The following ADGRG3 variants were observed in gnomAD, a reference collection of about 807,000 sequenced individuals.
The protein encoded by ADGRG3 is G protein-coupled receptor 97.
ADGRG3 carries 39 observed loss-of-function variants against 54.3 expected under a neutral mutation model. That is an observed-to-expected ratio of 0.72 (90% confidence interval 0.56 to 0.94). The LOEUF is 0.94. Among genes scored for constraint, ADGRG3 ranks in the 40% least tolerant of loss-of-function variants. ADGRG3 has a pLI of 0.00. For missense variants in ADGRG3, 654 were observed against 694.6 expected (o/e 0.94, Z 0.66); for synonymous variants, 312 against 290.0 (o/e 1.08, Z -0.77).
upstream of ADGRG3, chr16:57,668,209 C>T (rs551097057): frequency 2.8e-5 from 19 of 674,756 alleles, no homozygotes; most frequent in South Asian, 1.6e-4. Context: ...ATGGCGCCAT[C>T]GAGCAGGAAG....
intron 8 of ADGRG3, among the ~76,000 whole-genome samples, 155 bp from the exon 9 acceptor site, chr16:57,683,776 CT>C (rs1194377800): frequency 6.6e-6 from 1 of 152,202 alleles, no homozygotes; most frequent in African/African-American, 2.4e-5. Context: ...GACACTCCCA[CT>C]CTGGCTGCCG....
chr16:57,681,397 A>G (rs1478855582), intron 8 of ADGRG3, among the ~76,000 whole-genome samples: 1 of 151,730 alleles, frequency 6.6e-6, no homozygotes, highest in African/African-American at 2.4e-5. Context: ...TGCGCGCAGG[A>G]CATATCATTT....
intron 11 of ADGRG3, 60 bp from the exon 12 acceptor site, chr16:57,688,292 G>C (rs546272039): frequency 9.2e-7 from 1 of 1,084,504 alleles, no homozygotes; most frequent in African/African-American, 1.6e-5. Flanking sequence ...CACCAGCCCA[G>C]GCTGCCCCAC....
At chr16:57,675,813 G>A (rs2048252072) in intron 2 of ADGRG3, among the ~76,000 whole-genome samples, 1 of 152,158 alleles carries the variant, frequency 6.6e-6, no homozygotes, top group African/African-American at 2.4e-5. Flanking sequence ...GCTGGGGGAA[G>A]GGGGAAGGGA....
chr16:57,677,254 C>A lies in ADGRG3; in HGVS notation c.345+916C>A, dbSNP rs545604387. ...AGGCCCTGGGTGGGTCAGGCTGTAG[C>A]CCTTAGGGGAACAGGGAGCTCAGAG... On this transcript the variant is annotated intron_variant, in intron 3 of 11. Coordinates refer to ENST00000333493, the MANE Select transcript of ADGRG3 (RefSeq NM_170776.5). 7.9e-5 allele frequency among the ~76,000 whole-genome samples: 12 copies of A among 152,276 alleles called. 1 individual carries two copies. The South Asian group carries it at 2.5e-3, about 32-fold the overall frequency.
chr16:57,668,377 G>GCTCCTGCTC lies in ADGRG3; in HGVS notation c.41_49dup (p.Leu14_Leu16dup). On this transcript the variant is annotated inframe_insertion, in exon 1 of 12. Coordinates refer to ENST00000333493, the MANE Select transcript of ADGRG3 (RefSeq NM_170776.5). ...CGACGCCCAGGGGCCTGGGGGCCCT[G>GCTCCTGCTC]CTCCTGCTCCTCCTGCTCCCGACCT... is the stretch of plus-strand genomic sequence containing the variant. 3 of 1,575,602 alleles carry GCTCCTGCTC rather than the reference G, an allele frequency of 1.9e-6. No homozygotes were observed. The highest frequency in any genetic ancestry group is 8.6e-7 in the Non-Finnish European group (1 of 1,168,098).
chr16:57,678,196 GGA>G lies in ADGRG3; in HGVS notation c.373_374del (p.Asp125GlnfsTer4), dbSNP rs1416576927. The G allele has an allele frequency of 1.9e-6, 3 of 1,614,072 alleles. No individual in the cohort carries two copies. In the African/African-American group the frequency reaches 4.0e-5, roughly 22 times the overall value. On this transcript the variant is annotated frameshift_variant, in exon 4 of 12. Coordinates refer to ENST00000333493, the MANE Select transcript of ADGRG3 (RefSeq NM_170776.5). LOFTEE classifies it high-confidence loss of function. ...TTCCGAGGCAGGTGATGAAGGACGA[GGA>G]CAAGCCCCCTGACAGAGTGCGACTT... ...QVPRQVMKDE[D>X]KPPDRVRLPK...
intron 3 of ADGRG3, 23 bp downstream of exon 3, chr16:57,676,361 T>C: frequency 6.2e-7 from 1 of 1,610,294 alleles, no homozygotes; most frequent in African/African-American, 1.3e-5. Context: ...CCAGCCCTCT[T>C]GGCTGGTTCG....
chr16:57,674,868 C>T (rs1010849774), intron 2 of ADGRG3, among the ~76,000 whole-genome samples: 10 of 150,068 alleles, frequency 6.7e-5, no homozygotes, highest in Non-Finnish European at 8.9e-5. Flanking sequence ...TGGTGACAGG[C>T]GCCTGTAATC....
intron 1 of ADGRG3, among the ~76,000 whole-genome samples, chr16:57,670,523 C>T (rs1188240329): frequency 6.6e-6 from 1 of 152,010 alleles, no homozygotes; most frequent in African/African-American, 2.4e-5. Flanking sequence ...AACCCCTCCT[C>T]CCCTCTCCTC....
chr16:57,684,892 C>T lies in ADGRG3; in HGVS notation c.1256+409C>T, dbSNP rs536540545. Reference sequence around the variant, plus strand: ...CAGCCAGGTGTCCTTGTTCAGGCCACCACCTGCCCAGTGATTCACAGTAGC... The same window carrying T: ...CAGCCAGGTGTCCTTGTTCAGGCCATCACCTGCCCAGTGATTCACAGTAGC... On this transcript the variant is annotated intron_variant, in intron 10 of 11. Coordinates refer to ENST00000333493, the MANE Select transcript of ADGRG3 (RefSeq NM_170776.5). Among the ~76,000 whole-genome samples the T allele has an allele frequency of 1.1e-3, 169 of 152,314 alleles. 1 individual carries two copies. The highest frequency in any genetic ancestry group is 3.7e-3 in the African/African-American group (155 of 41,574).
intron 5 of ADGRG3, 86 bp from the exon 6 acceptor site, chr16:57,679,730 C>A: frequency 2.9e-6 from 3 of 1,039,478 alleles, no homozygotes; most frequent in South Asian, 1.3e-5. Flanking sequence ...CACTAGGACT[C>A]GGGGGAGCAC....
chr16:57,672,306 G>A (rs1473466215), intron 1 of ADGRG3, among the ~76,000 whole-genome samples: 3 of 152,130 alleles, frequency 2.0e-5, no homozygotes, highest in Admixed American at 2.0e-4. Context: ...CAGGAGGATC[G>A]CTTGAGGACA....
At chr16:57,666,531 T>C (rs1463393433), upstream of ADGRG3, among the ~76,000 whole-genome samples, 1 of 152,216 alleles carries the variant, frequency 6.6e-6, no homozygotes, top group Non-Finnish European at 1.5e-5. Context: ...AGCTGAGGGC[T>C]GAATGCTGGC....
chr16:57,672,398 C>G (rs1415302875), intron 1 of ADGRG3, among the ~76,000 whole-genome samples: 1 of 152,112 alleles, frequency 6.6e-6, no homozygotes, highest in East Asian at 1.9e-4. Context: ...AAATGATGTA[C>G]TTATAAATAC....
chr16:57,683,835 G>A, intron 8 of ADGRG3, 97 bp from the exon 9 acceptor site: 1 of 922,396 alleles, frequency 1.1e-6, no homozygotes, highest in Non-Finnish European at 1.6e-6. Flanking sequence ...AGTGGGGGTG[G>A]AGAGCCATAG....
chr16:57,667,728 G>A (rs184243572), upstream of ADGRG3, among the ~76,000 whole-genome samples: 3 of 152,326 alleles, frequency 2.0e-5, no homozygotes, highest in East Asian at 5.8e-4. Context: ...CCAGGCTGGT[G>A]GGGGAAGCTC....
chr16:57,678,101 G>T, intron 3 of ADGRG3, 69 bp from the exon 4 acceptor site: 2 of 1,581,400 alleles, frequency 1.3e-6, no homozygotes, highest in Non-Finnish European at 1.7e-6. Context: ...TCCCCTCCCA[G>T]CTGGGGGAGT....
chr16:57,668,829 C>A (rs1177875097), intron 1 of ADGRG3, among the ~76,000 whole-genome samples: 1 of 152,178 alleles, frequency 6.6e-6, no homozygotes. Flanking sequence ...AGGTCTGTCA[C>A]CTCGTTCTTC....
Sources: allele counts gnomAD v4.1 joint callset (sites outside exome capture counted in the v4.1 genomes callset), GRCh38; gene constraint gnomAD v4.1.1; transcripts MANE v1.5; gene names NCBI Gene and HGNC (gene_info 2026-07-23, HGNC 2026-07-21).